Variants in SBF2 observed in about 807,000 individuals in gnomAD.
SBF2 encodes SET binding factor 2.
In SBF2, 112 loss-of-function variants were observed where a neutral mutation model predicts 225.2. That is an observed-to-expected ratio of 0.50 (90% CI 0.43 to 0.58). The LOEUF (loss-of-function observed/expected upper bound fraction) is 0.58, where lower values mean the gene tolerates loss of function less well. Among genes scored for constraint, SBF2 ranks in the 20% least tolerant of loss-of-function variants. SBF2 has a pLI of 0.00. For missense variants in SBF2, 1,996 were observed against 2,206.2 expected (o/e 0.90, Z 1.91); for synonymous variants, 763 against 773.3 (o/e 0.99, Z 0.22).
At chr11:10,100,312 G>A (rs569738795) in intron 2 of SBF2, among the ~76,000 whole-genome samples, 67 of 152,320 alleles carry the variant, frequency 4.4e-4, no homozygotes, top group Non-Finnish European at 4.9e-4. Context: ...TGAACCTGTT[G>A]GGCAGTTACA....
intron 2 of SBF2, among the ~76,000 whole-genome samples, chr11:10,063,899 G>C (rs538905954): frequency 7.0e-6 from 1 of 142,910 alleles, no homozygotes; most frequent in South Asian, 2.2e-4. Context: ...AAGAGAATCA[G>C]TGAGCTGTAA....
intron 2 of SBF2, among the ~76,000 whole-genome samples, chr11:10,072,735 T>C (rs56677049): frequency 0.31 from 35,952 of 117,750 alleles, 3,658 homozygotes; most frequent in Non-Finnish European, 0.36. Context: ...TTTTTTTTTC[T>C]TTTTTTTTTT....
intron 6 of SBF2, among the ~76,000 whole-genome samples, chr11:10,021,506 G>A (rs913690692): frequency 1.3e-5 from 2 of 151,908 alleles, no homozygotes; most frequent in Non-Finnish European, 2.9e-5. Context: ...AGAGATGAAG[G>A]CGATCAAGAG....
At chr11:10,259,442 T>G (rs1297767743) in intron 1 of SBF2, among the ~76,000 whole-genome samples, 1 of 152,204 alleles carries the variant, frequency 6.6e-6, no homozygotes, top group African/African-American at 2.4e-5. Context: ...TTCTTTTCTC[T>G]CACTCAACAG....
chr11:9,806,346 C>T (rs576591868), intron 32 of SBF2, among the ~76,000 whole-genome samples: 21 of 152,238 alleles, frequency 1.4e-4, no homozygotes, highest in Admixed American at 4.6e-4. Flanking sequence ...TGGTGGTATA[C>T]GGAGGCAGGA....
intron 1 of SBF2, among the ~76,000 whole-genome samples, chr11:10,213,514 T>C (rs1439913623): frequency 6.6e-6 from 1 of 152,204 alleles, no homozygotes; most frequent in African/African-American, 2.4e-5. Context: ...TGAATTTGAT[T>C]TCATATCAAT....
chr11:10,219,388 G>C (rs1041653808), intron 1 of SBF2, among the ~76,000 whole-genome samples: 1 of 152,152 alleles, frequency 6.6e-6, no homozygotes, highest in Non-Finnish European at 1.5e-5. Context: ...GCACACAGCA[G>C]GGGGGCCCTG....
intron 38 of SBF2, 133 bp from the exon 39 acceptor site, chr11:9,781,771 A>AAAATT: frequency 2.9e-6 from 3 of 1,017,294 alleles, no homozygotes; most frequent in Non-Finnish European, 1.5e-6. Flanking sequence ...GAATACACAA[A>AAAATT]AAATTAATTA....
intron 1 of SBF2, among the ~76,000 whole-genome samples, chr11:10,293,071 T>C (rs1591379276): frequency 6.6e-6 from 1 of 152,336 alleles, no homozygotes; most frequent in East Asian, 1.9e-4. Flanking sequence ...GAAGGGGCTG[T>C]AGAGCTGATA....
intron 26 of SBF2, among the ~76,000 whole-genome samples, chr11:9,835,346 T>G (rs1484538908): frequency 6.6e-6 from 1 of 152,070 alleles, no homozygotes; most frequent in African/African-American, 2.4e-5. Flanking sequence ...CTGCCTGGCA[T>G]GGTGGCTTAC....
At chr11:9,967,573 A>G (rs1867005310) in intron 14 of SBF2, among the ~76,000 whole-genome samples, 1 of 152,054 alleles carries the variant, frequency 6.6e-6, no homozygotes. Flanking sequence ...TGGTTTGGGG[A>G]GGAAATGGGG....
chr11:10,215,612 G>C (rs1359091927), intron 1 of SBF2, among the ~76,000 whole-genome samples: 2 of 152,232 alleles, frequency 1.3e-5, no homozygotes, highest in South Asian at 2.1e-4. Flanking sequence ...GATAGAGCAA[G>C]ACCTTGGCTC....
intron 16 of SBF2, among the ~76,000 whole-genome samples, chr11:9,906,626 A>G (rs1189286073): frequency 1.3e-5 from 2 of 152,224 alleles, no homozygotes; most frequent in South Asian, 4.1e-4. Flanking sequence ...AAAATTTACA[A>G]CAATAAGTCT....
chr11:9,790,950 C>T (rs1564856448), intron 33 of SBF2: 2 of 321,454 alleles, frequency 6.2e-6, no homozygotes, highest in Non-Finnish European at 1.2e-5. Context: ...TCTTCCAACC[C>T]TCATCCTGCA....
chr11:9,860,095 A>G (rs1288982419), intron 17 of SBF2, among the ~76,000 whole-genome samples: 2 of 152,140 alleles, frequency 1.3e-5, no homozygotes, highest in Non-Finnish European at 2.9e-5. Context: ...TGGTTTTGTG[A>G]GTGCGTAAGC....
chr11:9,833,995 T>C (rs1855580012), intron 26 of SBF2, among the ~76,000 whole-genome samples: 1 of 149,640 alleles, frequency 6.7e-6, no homozygotes, highest in East Asian at 2.0e-4. Flanking sequence ...TCTCGAACTC[T>C]CAACCTCAGG....
upstream of SBF2, among the ~76,000 whole-genome samples, chr11:10,296,318 T>C (rs1964548558): frequency 6.6e-6 from 1 of 152,206 alleles, no homozygotes. Flanking sequence ...AATAAAGACA[T>C]ACCCGAGACT....
In SBF2 at chr11:9,806,864, G is replaced by C. The variant is rs1036356440; in HGVS notation, c.4443+1136C>G. Among the ~76,000 whole-genome samples, 91 of 152,180 alleles carry C rather than the reference G, an allele frequency of 6.0e-4. 1 individual carries two copies. Among genetic ancestry groups the C allele is most frequent in the Non-Finnish European group, 2.9e-5 (2 of 68,040 alleles). On this transcript the variant is annotated intron_variant, in intron 32 of 39. Transcript: ENST00000256190. ...CTTTGTGAATGGATTCAAAACCACT[G>C]AACACTTTAAATAGGTGAATTGTAT... is the stretch of plus-strand genomic sequence containing the variant.
intron 2 of SBF2, among the ~76,000 whole-genome samples, chr11:10,154,678 G>C (rs1955382011): frequency 6.6e-6 from 1 of 152,016 alleles, no homozygotes; most frequent in Non-Finnish European, 1.5e-5. Flanking sequence ...GACTATTTTT[G>C]ATTGAATGCT....
Sources: gnomAD v4.1 joint callset for allele counts (sites outside exome capture counted in the v4.1 genomes callset) on GRCh38, gnomAD v4.1.1 for gene constraint, MANE v1.5 for transcripts, NCBI Gene and HGNC (gene_info 2026-07-23, HGNC 2026-07-21) for gene names.